ANKS1B: variants seen among roughly 807,000 people sequenced by gnomAD.
The protein encoded by ANKS1B is ankyrin repeat and sterile alpha motif domain containing 1B.
In ANKS1B, 36 loss-of-function variants were observed where a neutral mutation model predicts 148.3. That is an observed-to-expected ratio of 0.24 (90% CI 0.19 to 0.32). The LOEUF is 0.32. Ranked by LOEUF, ANKS1B falls within the 10% of genes least tolerant of loss-of-function variation. The pLI is 1.00. For synonymous variants in ANKS1B, 542 were observed against 560.8 expected (o/e 0.97, Z 0.47); for missense variants, 1,157 against 1,542.6 (o/e 0.75, Z 4.19).
At chr12:99,238,955 TG>T (rs904970449) in intron 14 of ANKS1B, among the ~76,000 whole-genome samples, 10 of 152,080 alleles carry the variant, frequency 6.6e-5, no homozygotes, top group African/African-American at 2.4e-4. Context: ...ACCAAAAAAA[TG>T]GGAGAAACCA....
chr12:99,095,180 A>C (rs1373885613), intron 15 of ANKS1B, among the ~76,000 whole-genome samples: 1 of 152,168 alleles, frequency 6.6e-6, no homozygotes, highest in East Asian at 1.9e-4. Flanking sequence ...GAAAATGAAA[A>C]TGTTCAGACT....
At chr12:98,868,402 G>T (rs922748900) in intron 17 of ANKS1B, among the ~76,000 whole-genome samples, 1 of 152,104 alleles carries the variant, frequency 6.6e-6, no homozygotes, top group Non-Finnish European at 1.5e-5. Flanking sequence ...GCAGAGACAC[G>T]GTTTCAAAAT....
At chr12:98,798,093 A>G (rs564883938) in intron 22 of ANKS1B, among the ~76,000 whole-genome samples, 1 of 151,812 alleles carries the variant, frequency 6.6e-6, no homozygotes, top group African/African-American at 2.4e-5. Context: ...GGAATCAAGC[A>G]GCCACTAATC....
intron 1 of ANKS1B, among the ~76,000 whole-genome samples, chr12:99,951,088 G>A (rs2095210559): frequency 6.6e-6 from 1 of 152,206 alleles, no homozygotes; most frequent in Non-Finnish European, 1.5e-5. Flanking sequence ...ACCAGCCAGT[G>A]TTGCCATAAG....
intron 19 of ANKS1B, among the ~76,000 whole-genome samples, chr12:98,815,888 A>C (rs1014741364): frequency 6.6e-6 from 1 of 152,118 alleles, no homozygotes; most frequent in African/African-American, 2.4e-5. Context: ...ATCTCTTCTC[A>C]GTACTACAGC....
intron 17 of ANKS1B, among the ~76,000 whole-genome samples, chr12:99,041,124 G>GA (rs1221841198): frequency 6.6e-6 from 1 of 152,106 alleles, no homozygotes; most frequent in Non-Finnish European, 1.5e-5. Flanking sequence ...GGAGGTTTGA[G>GA]AAAAAATTCT....
At chr12:99,200,816 T>C (rs148902904) in intron 14 of ANKS1B, among the ~76,000 whole-genome samples, 1 of 152,340 alleles carries the variant, frequency 6.6e-6, no homozygotes, top group Non-Finnish European at 1.5e-5. Context: ...AAGTCTTTGC[T>C]CTTTTTCTTT....
intron 9 of ANKS1B, among the ~76,000 whole-genome samples, chr12:99,632,530 T>G (rs1050407613): frequency 6.6e-6 from 1 of 151,496 alleles, no homozygotes; most frequent in Non-Finnish European, 1.5e-5. Context: ...AAGCATGAGC[T>G]AAGCCCAGGA....
At chr12:99,880,735 TGTTTTC>T (rs2092427781) in intron 1 of ANKS1B, among the ~76,000 whole-genome samples, 1 of 152,206 alleles carries the variant, frequency 6.6e-6, no homozygotes. Context: ...CAGGGAAATG[TGTTTTC>T]TAAGTCTATC....
At chr12:99,593,733 A>G (rs1019889089) in intron 9 of ANKS1B, among the ~76,000 whole-genome samples, 2 of 152,152 alleles carry the variant, frequency 1.3e-5, no homozygotes, top group African/African-American at 4.8e-5. Context: ...CTTACTTCAA[A>G]GAATGTTTTA....
chr12:99,593,884 T>C lies in ANKS1B; in HGVS notation c.1272+61183A>G, dbSNP rs75768632. On this transcript the variant is annotated intron_variant, in intron 9 of 26. Transcript: ENST00000683438. ...TTTATAATAAATAAATTTTCTTTAGTCTTTTTCAGTTTACAAAGTGCCTGT... is the reference window on the plus strand; with the variant it reads ...TTTATAATAAATAAATTTTCTTTAGCCTTTTTCAGTTTACAAAGTGCCTGT... Among the ~76,000 whole-genome samples, 1,519 of 152,200 alleles carry C rather than the reference T, an allele frequency of 1.0e-2. 26 individuals are homozygous for C. Among genetic ancestry groups the C allele is most frequent in the African/African-American group, 0.035 (1,447 of 41,544 alleles).
intron 14 of ANKS1B, among the ~76,000 whole-genome samples, chr12:99,193,385 T>C (rs2080983941): frequency 6.6e-6 from 1 of 152,286 alleles, no homozygotes; most frequent in Non-Finnish European, 1.5e-5. Context: ...AAGAAAAATC[T>C]GAACAAAGAG....
chr12:99,409,293 A>C (rs2094611298), intron 11 of ANKS1B, among the ~76,000 whole-genome samples: 1 of 152,202 alleles, frequency 6.6e-6, no homozygotes, highest in African/African-American at 2.4e-5. Context: ...TAGGAACTAG[A>C]AAAATTAAAA....
chr12:99,666,412 T>C (rs2098507093), intron 8 of ANKS1B, among the ~76,000 whole-genome samples: 2 of 152,216 alleles, frequency 1.3e-5, no homozygotes, highest in African/African-American at 4.8e-5. Flanking sequence ...GTCCTTCATT[T>C]CATGAACATG....
chr12:99,727,791 C>T (rs1247305978), intron 8 of ANKS1B, among the ~76,000 whole-genome samples: 3 of 151,982 alleles, frequency 2.0e-5, no homozygotes, highest in African/African-American at 7.2e-5. Flanking sequence ...CCAAAACAGA[C>T]ATATAGACCA....
At chr12:99,182,784 T>C (rs1365224638) in intron 14 of ANKS1B, among the ~76,000 whole-genome samples, 1 of 152,220 alleles carries the variant, frequency 6.6e-6, no homozygotes, top group Non-Finnish European at 1.5e-5. Flanking sequence ...ACTAACAGTG[T>C]ACGAGAGTTC....
intron 16 of ANKS1B, among the ~76,000 whole-genome samples, chr12:99,081,726 A>T (rs1365218158): frequency 6.6e-6 from 1 of 152,172 alleles, no homozygotes; most frequent in Non-Finnish European, 1.5e-5. Flanking sequence ...AGAAATAAAC[A>T]CTTCATTTAT....
At chr12:99,022,696 T>G (rs541570930) in intron 17 of ANKS1B, among the ~76,000 whole-genome samples, 2 of 152,022 alleles carry the variant, frequency 1.3e-5, no homozygotes, top group Admixed American at 1.3e-4. Context: ...TTTCTTTTCT[T>G]TTTTTTAGAG....
intron 15 of ANKS1B, among the ~76,000 whole-genome samples, chr12:99,114,830 T>C (rs1428671554): frequency 6.6e-6 from 1 of 152,010 alleles, no homozygotes; most frequent in African/African-American, 2.4e-5. Flanking sequence ...AAACCGATAC[T>C]TTTCTAAAGA....
Sources: allele counts gnomAD v4.1 joint callset (sites outside exome capture counted in the v4.1 genomes callset), GRCh38; gene constraint gnomAD v4.1.1; transcripts MANE v1.5; gene names NCBI Gene and HGNC (gene_info 2026-07-23, HGNC 2026-07-21).